Variants in CNTNAP5 observed in about 807,000 individuals in gnomAD.
CNTNAP5 encodes contactin associated protein family member 5, also known as contactin-associated protein-like 5.
A neutral mutation model predicts 150.2 loss-of-function variants in CNTNAP5; 72 were observed. The ratio of observed to expected loss-of-function variants is 0.48; its 90% CI spans 0.40 to 0.58. CNTNAP5 has a LOEUF of 0.58. Ranked by LOEUF, CNTNAP5 falls within the 20% of genes least tolerant of loss-of-function variation. The pLI is 0.00. For missense variants in CNTNAP5, 1,636 were observed against 1,626.2 expected (o/e 1.01, Z -0.10); for synonymous variants, 672 against 619.8 (o/e 1.08, Z -1.25).
intron 19 of CNTNAP5, among the ~76,000 whole-genome samples, chr2:124,857,366 C>T (rs930341413): frequency 2.0e-5 from 3 of 152,088 alleles, no homozygotes; most frequent in Non-Finnish European, 4.4e-5. Flanking sequence ...AGGTTCCAGG[C>T]AGTTGGTGGG....
At chr2:124,827,431 G>C (rs2104676600) in intron 19 of CNTNAP5, among the ~76,000 whole-genome samples, 1 of 152,242 alleles carries the variant, frequency 6.6e-6, no homozygotes, top group East Asian at 1.9e-4. Context: ...CAGTGTCTCT[G>C]CAGATGTGAT....
At chr2:124,482,472 T>G (rs1376274985) in intron 7 of CNTNAP5, among the ~76,000 whole-genome samples, 1 of 152,014 alleles carries the variant, frequency 6.6e-6, no homozygotes, top group African/African-American at 2.4e-5. Flanking sequence ...TAGGCATTTA[T>G]TTTTTTTAGG....
rs114329530 is a variant in CNTNAP5 at position 124,036,635 on chromosome 2, T to A, written c.82+10903T>A. ...AGAAATGAAACCAAGCAGATTGGAA[T>A]GCTGGAACACTGGAGATTAGAGATA... On this transcript the variant is annotated intron_variant, in intron 1 of 23. Coordinates refer to ENST00000682447, the MANE Select transcript of CNTNAP5 (RefSeq NM_001367498.1). Among the ~76,000 whole-genome samples, 641 of 152,218 alleles carry A rather than the reference T, an allele frequency of 4.2e-3. 3 individuals carry two copies. The highest frequency in any genetic ancestry group is 0.015 in the African/African-American group (611 of 41,544).
intron 2 of CNTNAP5, among the ~76,000 whole-genome samples, chr2:124,237,059 G>T (rs1005658305): frequency 2.6e-5 from 4 of 152,098 alleles, no homozygotes; most frequent in Non-Finnish European, 5.9e-5. Context: ...AACCCAGGAG[G>T]CAGAAGTTGC....
chr2:124,123,886 A>C (rs1305513515), intron 1 of CNTNAP5, among the ~76,000 whole-genome samples: 1 of 152,160 alleles, frequency 6.6e-6, no homozygotes, highest in African/African-American at 2.4e-5. Context: ...GGACATCCAC[A>C]CCAAAATCCC....
chr2:124,473,982 A>C (rs1367100728), intron 6 of CNTNAP5, among the ~76,000 whole-genome samples: 1 of 152,006 alleles, frequency 6.6e-6, no homozygotes, highest in Non-Finnish European at 1.5e-5. Context: ...TTTTGCCATT[A>C]CTTTTAGTGA....
chr2:124,154,940 A>G (rs1294457754), intron 1 of CNTNAP5, among the ~76,000 whole-genome samples: 5 of 152,184 alleles, frequency 3.3e-5, no homozygotes, highest in African/African-American at 1.2e-4. Context: ...TCCACTATGC[A>G]GCCAGGACTG....
intron 1 of CNTNAP5, among the ~76,000 whole-genome samples, chr2:124,136,260 G>A (rs1683969626): frequency 6.6e-6 from 1 of 152,114 alleles, no homozygotes; most frequent in African/African-American, 2.4e-5. Context: ...TTCATATTTT[G>A]AGCTTTCTCA....
intron 1 of CNTNAP5, among the ~76,000 whole-genome samples, chr2:124,108,441 G>A (rs1012275967): frequency 1.3e-5 from 2 of 152,012 alleles, no homozygotes; most frequent in Non-Finnish European, 2.9e-5. Flanking sequence ...AATAGAAGAC[G>A]AGCAGCCCGG....
At chr2:124,402,054 A>G (rs1171379549) in intron 3 of CNTNAP5, among the ~76,000 whole-genome samples, 1 of 152,214 alleles carries the variant, frequency 6.6e-6, no homozygotes, top group African/African-American at 2.4e-5. Context: ...CCAGGAGTGT[A>G]TTAGGAGACT....
At chr2:124,174,094 G>C (rs1426668835) in intron 1 of CNTNAP5, among the ~76,000 whole-genome samples, 1 of 134,624 alleles carries the variant, frequency 7.4e-6, no homozygotes, top group Non-Finnish European at 1.6e-5. Context: ...GCCCACTGTT[G>C]AGATTTACTG....
At chr2:124,033,673 C>A (rs79554053) in intron 1 of CNTNAP5, among the ~76,000 whole-genome samples, 1 of 102,216 alleles carries the variant, frequency 9.8e-6, no homozygotes, top group Non-Finnish European at 1.9e-5. Context: ...CTGATGCAGG[C>A]CAGACATGGG....
chr2:124,504,695 G>T, intron 8 of CNTNAP5, 139 bp downstream of exon 8: 3 of 653,188 alleles, frequency 4.6e-6, no homozygotes, highest in African/African-American at 1.9e-5. Context: ...CAAGTCTGAA[G>T]AGGCAGCATT....
At chr2:124,502,592 T>A (rs1323733940) in intron 7 of CNTNAP5, among the ~76,000 whole-genome samples, 1 of 152,182 alleles carries the variant, frequency 6.6e-6, no homozygotes, top group African/African-American at 2.4e-5. Context: ...AAGGAAAAGA[T>A]AAATAAAAGT....
chr2:124,637,872 G>A (rs1233424692), intron 12 of CNTNAP5, among the ~76,000 whole-genome samples: 1 of 151,126 alleles, frequency 6.6e-6, no homozygotes, highest in African/African-American at 2.4e-5. Flanking sequence ...GCATTTTCTT[G>A]TGTTCTTGCA....
chr2:124,057,134 C>T (rs975659153), intron 1 of CNTNAP5, among the ~76,000 whole-genome samples: 16 of 152,074 alleles, frequency 1.1e-4, no homozygotes, highest in Non-Finnish European at 1.5e-4. Context: ...ATGGAATGCC[C>T]GTTTTGGGCT....
At chr2:124,365,268 A>G (rs1386044319) in intron 3 of CNTNAP5, among the ~76,000 whole-genome samples, 1 of 151,200 alleles carries the variant, frequency 6.6e-6, no homozygotes, top group African/African-American at 2.4e-5. Flanking sequence ...GTGAACCATG[A>G]TTATGCCACT....
At chr2:124,081,237 C>T (rs1198595985) in intron 1 of CNTNAP5, among the ~76,000 whole-genome samples, 3 of 151,744 alleles carry the variant, frequency 2.0e-5, no homozygotes, top group Non-Finnish European at 2.9e-5. Flanking sequence ...GTTCTTACAC[C>T]GTCTAAAATC....
chr2:124,155,115 C>T (rs1483324520), intron 1 of CNTNAP5, among the ~76,000 whole-genome samples: 15 of 116,884 alleles, frequency 1.3e-4, no homozygotes, highest in Non-Finnish European at 2.0e-4. Context: ...ACTAATTGTT[C>T]CAATTTTTTT....
Sources: allele counts gnomAD v4.1 joint callset (sites outside exome capture counted in the v4.1 genomes callset), GRCh38; gene constraint gnomAD v4.1.1; transcripts MANE v1.5; gene names NCBI Gene and HGNC (gene_info 2026-07-23, HGNC 2026-07-21).